The following ZFP91 variants were observed in gnomAD, a reference collection of about 807,000 sequenced individuals.
ZFP91 encodes ZFP91 zinc finger protein, atypical E3 ubiquitin ligase, also known as E3 ubiquitin-protein ligase ZFP91.
In ZFP91, 7 loss-of-function variants were observed where a neutral mutation model predicts 63.5. The ratio of observed to expected loss-of-function variants is 0.11; its 90% CI spans 0.06 to 0.21. The LOEUF is 0.21. Ranked by LOEUF, ZFP91 falls within the 10% of genes least tolerant of loss-of-function variation. The pLI is 1.00. For missense variants in ZFP91, 628 were observed against 736.6 expected (o/e 0.85, Z 1.71); for synonymous variants, 330 against 272.1 (o/e 1.21, Z -2.10).
At chr11:58,595,997 A>T (rs1855395210) in intron 2 of ZFP91, among the ~76,000 whole-genome samples, 2 of 152,192 alleles carry the variant, frequency 1.3e-5, no homozygotes, top group Admixed American at 1.3e-4. Context: ...CCTCCCCCTC[A>T]CAAACAAAAA....
Position 58,579,417 on chromosome 11 carries a change from A to T in ZFP91, c.136A>T (p.Ser46Cys). 1 of 1,450,610 alleles carries T rather than the reference A, an allele frequency of 6.9e-7. No individual in the cohort carries two copies. The highest frequency in any genetic ancestry group is 9.0e-7 in the Non-Finnish European group (1 of 1,109,852). The allele number at this position is 1,450,610 out of a possible 1,614,324, so 89.9% of individuals were successfully genotyped here. The change falls in exon 1 of 11, where the codon AGC becomes TGC. Residue 46 changes from serine to cysteine, a missense_variant. Coordinates refer to ENST00000316059, the MANE Select transcript of ZFP91 (RefSeq NM_053023.5). ...AVAAAPAGTT[S>C]SRVLRGGRDR... ...CGCGGCGGCGCCTGCAGGGACCACTAGCAGCCGCGTGCTGAGGGGAGGTCG... is the reference window on the plus strand; with the variant it reads ...CGCGGCGGCGCCTGCAGGGACCACTTGCAGCCGCGTGCTGAGGGGAGGTCG...
At chr11:58,589,294 G>T (rs1855264876) in intron 2 of ZFP91, among the ~76,000 whole-genome samples, 1 of 152,092 alleles carries the variant, frequency 6.6e-6, no homozygotes, top group Non-Finnish European at 1.5e-5. Flanking sequence ...AGCCTGGTCT[G>T]GCTAGGCAGT....
At chr11:58,594,256 C>G (rs1219929627) in intron 2 of ZFP91, among the ~76,000 whole-genome samples, 3 of 152,272 alleles carry the variant, frequency 2.0e-5, no homozygotes, top group East Asian at 3.9e-4. Flanking sequence ...TTCTTTCTTT[C>G]AATTCTCAAG....
rs1388723525 is a variant in ZFP91 at position 58,579,064 on chromosome 11, TGGCGCGCGCGCGC to T, written c.-216_-204del. The T allele has an allele frequency of 6.6e-6, 2 of 303,496 alleles. No individual in the cohort carries two copies. The highest frequency in any genetic ancestry group is 1.1e-5 in the Non-Finnish European group (2 of 182,424). The allele number at this position is 303,496 out of a possible 1,614,324, so 18.8% of individuals were successfully genotyped here. A position where few individuals can be genotyped will look rare whatever the true frequency, so the allele number is the denominator to read the frequency against. ...TTCCGATTGGCCCGCTGAGCGTCTG[TGGCGCGCGCGCGC>T]GCGCCGCCAGCGGTAGCGGACCTTG... On this transcript the variant is annotated 5_prime_UTR_variant, in exon 1 of 11. Transcript: ENST00000316059.
At chr11:58,606,670 A>G (rs1330783811) in intron 2 of ZFP91, among the ~76,000 whole-genome samples, 1 of 151,494 alleles carries the variant, frequency 6.6e-6, no homozygotes, top group Non-Finnish European at 1.5e-5. Flanking sequence ...TGTTGTTGCC[A>G]TCTTTATGTC....
chr11:58,613,248 A>G (rs1191406745), intron 8 of ZFP91, among the ~76,000 whole-genome samples: 1 of 152,164 alleles, frequency 6.6e-6, no homozygotes, highest in Non-Finnish European at 1.5e-5. Flanking sequence ...TGGTGCCCAC[A>G]TCTCACAAGA....
intron 1 of ZFP91, 152 bp from the exon 2 acceptor site, chr11:58,584,704 C>T (rs2134389131): frequency 1.6e-6 from 1 of 625,106 alleles, no homozygotes; most frequent in Non-Finnish European, 2.6e-6. Context: ...TTGGACAGTG[C>T]AGATATGTTT....
rs909847691 is a variant in ZFP91 at position 58,617,811 on chromosome 11, A to G, written c.*105A>G. 1 of 1,412,210 alleles carries G rather than the reference A, an allele frequency of 7.1e-7. No individual in the cohort carries two copies. Among genetic ancestry groups the G allele is most frequent in the African/African-American group, 1.5e-5 (1 of 68,648 alleles). 87.5% of individuals were successfully genotyped at this position (1,412,210 alleles called of 1,614,324 possible). On this transcript the variant is annotated 3_prime_UTR_variant, in exon 11 of 11. Transcript: ENST00000316059. The surrounding 1 kb of genome is among the most constrained non-coding windows in gnomAD (Gnocchi z 4.2). ...ATTTAAAATCTAGTGAAATAACTGA[A>G]GGGCCTGCTCTTTCCATTGTGGATC...
At position 58,617,717 on chromosome 11, in the gene ZFP91, G is replaced by A. The variant is rs1273926048; in HGVS notation, c.*11G>A. On this transcript the variant is annotated 3_prime_UTR_variant, in exon 11 of 11. Transcript: ENST00000316059. This position sits in a 1 kb window ranked among gnomAD's most constrained non-coding sequence, Gnocchi z 4.2. ...TCTGCCGGACCTTAGTGGACAGGAA[G>A]ACTTGGGGCATGGGACAGCTCAGAC... The A allele has an allele frequency of 2.0e-6, 3 of 1,494,078 alleles. No homozygotes were observed. The highest frequency in any genetic ancestry group is 2.7e-6 in the Non-Finnish European group (3 of 1,122,836). 92.6% of individuals were successfully genotyped at this position (1,494,078 alleles called of 1,614,324 possible). A position where few individuals can be genotyped will look rare whatever the true frequency, so the allele number is the denominator to read the frequency against.
chr11:58,611,450 A>G (rs1316718585), intron 5 of ZFP91, 154 bp from the exon 6 acceptor site: 2 of 984,370 alleles, frequency 2.0e-6, no homozygotes, highest in East Asian at 2.5e-5. Context: ...GATCATTACT[A>G]TGCATGTGAG....
intron 2 of ZFP91, among the ~76,000 whole-genome samples, chr11:58,604,866 T>C (rs967893710): frequency 5.3e-5 from 8 of 152,230 alleles, no homozygotes; most frequent in African/African-American, 1.9e-4. Flanking sequence ...GAGTTTCTTG[T>C]AGACAGATTG....
rs1244129182 is a variant in ZFP91, at chr11:58,619,012, T to TG, written c.*1307dup. On this transcript the variant is annotated 3_prime_UTR_variant, in exon 11 of 11. Coordinates refer to ENST00000316059, the MANE Select transcript of ZFP91 (RefSeq NM_053023.5). The stretch of plus-strand genomic sequence containing the variant: ...CCCTTGGGGCCCATCTCTGGCTCCT[T>TG]GCTTTTTGTTTCTTGCTTTGCTTTA... 4.9e-6 allele frequency: 1 copy of TG among 205,350 alleles called. No homozygotes were observed. The highest frequency in any genetic ancestry group is 2.4e-5 in the African/African-American group (1 of 42,014). 12.7% of individuals were successfully genotyped at this position (205,350 alleles called of 1,614,324 possible). A position where few individuals can be genotyped will look rare whatever the true frequency, so the allele number is the denominator to read the frequency against.
In ZFP91 at chr11:58,610,280, T is replaced by C; in HGVS notation, c.581-18T>C. 6.3e-7 allele frequency: 1 copy of C among 1,589,660 alleles called. No homozygotes were observed. Among genetic ancestry groups the C allele is most frequent in the South Asian group, 1.2e-5 (1 of 86,280 alleles). On this transcript the variant is annotated intron_variant, in intron 3 of 10. Transcript: ENST00000316059. ...TATCTACACTAATAAAATTTTGTTT[T>C]TGGCTTTGTTTTTCTAGATGTTGGA...
Position 58,579,461 on chromosome 11 carries a change from T to TGCGGCCGCCGCCGCC in ZFP91, c.183_197dup (p.Ala63_Ala67dup). On this transcript the variant is annotated inframe_insertion, in exon 1 of 11. Transcript: ENST00000316059. ...GAGGTCGGGACCGAGGCCGGGCCGCTGCGGCCGCCGCCGCCGCAGCTGTGT... is the reference window on the plus strand; with the variant it reads ...GAGGTCGGGACCGAGGCCGGGCCGCTGCGGCCGCCGCCGCCGCGGCCGCCGCCGCCGCAGCTGTGT... 2.1e-6 allele frequency: 3 copies of TGCGGCCGCCGCCGCC among 1,440,094 alleles called. No individual in the cohort carries two copies. Among genetic ancestry groups the TGCGGCCGCCGCCGCC allele is most frequent in the Non-Finnish European group, 2.7e-6 (3 of 1,104,104 alleles). 89.2% of individuals were successfully genotyped at this position (1,440,094 alleles called of 1,614,324 possible).
At chr11:58,591,068 A>G (rs922157225) in intron 2 of ZFP91, among the ~76,000 whole-genome samples, 3 of 152,200 alleles carry the variant, frequency 2.0e-5, no homozygotes, top group Admixed American at 6.5e-5. Context: ...GGTGAGCCCA[A>G]TCATGTAACC....
Position 58,579,638 on chromosome 11 carries a change from T to C in ZFP91, c.341+16T>C. Reference sequence around the variant, plus strand: ...CGCGACTCCTGTGAGTAACAGTCTTTCAGGCGGTGGGAAAGACCCCCCTCT... The same window carrying C: ...CGCGACTCCTGTGAGTAACAGTCTTCCAGGCGGTGGGAAAGACCCCCCTCT... On this transcript the variant is annotated intron_variant, in intron 1 of 10. Transcript: ENST00000316059. 1.3e-6 allele frequency: 2 copies of C among 1,539,520 alleles called. No homozygotes were observed. The highest frequency in any genetic ancestry group is 2.7e-5 in the East Asian group (1 of 37,600).
In ZFP91 at chr11:58,579,442, G is replaced by A; in HGVS notation, c.161G>A (p.Arg54Gln). Residue 54 changes from arginine (R) to glutamine (Q), a missense_variant, in exon 1 of 11, where the codon CGG becomes CAG. Arg to Gln is a conservative substitution (Grantham distance 43, BLOSUM62 1). Transcript: ENST00000316059. ...AGCAGCCGCGTGCTGAGGGGAGGTC[G>A]GGACCGAGGCCGGGCCGCTGCGGCC... ...TTSSRVLRGG[R>Q]DRGRAAAAAA... is the part of the protein sequence containing the mutation. 2.1e-6 allele frequency: 3 copies of A among 1,450,310 alleles called. No individual in the cohort carries two copies. Among genetic ancestry groups the A allele is most frequent in the Non-Finnish European group, 2.7e-6 (3 of 1,110,414 alleles). The allele number at this position is 1,450,310 out of a possible 1,614,324, so 89.8% of individuals were successfully genotyped here.
At chr11:58,612,373 C>T (rs1213067427) in intron 7 of ZFP91, 45 bp downstream of exon 7, 1 of 1,588,182 alleles carries the variant, frequency 6.3e-7, no homozygotes, top group South Asian at 1.1e-5. Flanking sequence ...ATTCCAGTAC[C>T]AGGCACTTTA....
chr11:58,616,231 G>A (rs1322747970), intron 9 of ZFP91, among the ~76,000 whole-genome samples: 1 of 152,106 alleles, frequency 6.6e-6, no homozygotes, highest in African/African-American at 2.4e-5. Context: ...CTGAAACAGG[G>A]TATGATTACC....
Sources: gnomAD v4.1 joint callset for allele counts (sites outside exome capture counted in the v4.1 genomes callset) on GRCh38, gnomAD v4.1.1 for gene constraint, Gnocchi (gnomAD v3.1) non-coding constraint, MANE v1.5 for transcripts, NCBI Gene and HGNC (gene_info 2026-07-23, HGNC 2026-07-21) for gene names.